The following TIAM1 variants were observed in gnomAD, a reference collection of about 807,000 sequenced individuals.
TIAM1 encodes TIAM Rac1 associated GEF 1, also known as rho guanine nucleotide exchange factor TIAM1.
A neutral mutation model predicts 163.5 loss-of-function variants in TIAM1; 65 were observed. That is an observed-to-expected ratio of 0.40 (90% CI 0.33 to 0.49). TIAM1 has a LOEUF of 0.49. TIAM1 is among the 20% of genes least tolerant of loss of function. The pLI, the probability that TIAM1 is intolerant of heterozygous loss-of-function variation, is 0.77. For synonymous variants in TIAM1, 833 were observed against 810.1 expected (o/e 1.03, Z -0.48); for missense variants, 1,789 against 2,044.7 (o/e 0.87, Z 2.41).
At chr21:31,148,975 T>TTTTTTTTTTTTTTTAA (rs2083262656) in intron 19 of TIAM1, among the ~76,000 whole-genome samples, 1 of 143,780 alleles carries the variant, frequency 7.0e-6, no homozygotes, top group African/African-American at 2.6e-5. Context: ...TTTTTTTTGG[T>TTTTTTTTTTTTTTTAA]CAAATATACA....
chr21:31,437,193 A>C (rs1025118725), intron 2 of TIAM1, among the ~76,000 whole-genome samples: 2 of 152,154 alleles, frequency 1.3e-5, no homozygotes, highest in Admixed American at 1.3e-4. Context: ...TTATTGATCT[A>C]ATTTATTTTA....
intron 25 of TIAM1, among the ~76,000 whole-genome samples, chr21:31,127,372 A>G (rs1356011470): frequency 6.6e-6 from 1 of 151,966 alleles, no homozygotes; most frequent in Non-Finnish European, 1.5e-5. Context: ...AGTTGGTAAA[A>G]TCTTCTAGAT....
At chr21:31,423,887 G>A (rs1017584435) in intron 2 of TIAM1, among the ~76,000 whole-genome samples, 1 of 148,888 alleles carries the variant, frequency 6.7e-6, no homozygotes, top group Non-Finnish European at 1.5e-5. Context: ...AGGGAGTTGG[G>A]GAGAAATAGG....
At chr21:31,145,262 G>C (rs552860412) in intron 20 of TIAM1, among the ~76,000 whole-genome samples, 2 of 152,272 alleles carry the variant, frequency 1.3e-5, no homozygotes, top group East Asian at 3.9e-4. Context: ...TCTGGGGCAG[G>C]CTCTTTGTTA....
intron 10 of TIAM1, among the ~76,000 whole-genome samples, chr21:31,210,660 AG>A (rs1679377435): frequency 5.5e-5 from 1 of 18,300 alleles, no homozygotes; most frequent in Non-Finnish European, 1.1e-4. Context: ...AAAGAAAGAA[AG>A]AAAGAAAAAG....
At chr21:31,271,790 A>T (rs1569143597) in intron 3 of TIAM1, among the ~76,000 whole-genome samples, 1 of 152,136 alleles carries the variant, frequency 6.6e-6, no homozygotes, top group Non-Finnish European at 1.5e-5. Flanking sequence ...GTGTCATCTG[A>T]AAGTGGTATG....
intron 2 of TIAM1, among the ~76,000 whole-genome samples, chr21:31,418,341 CAAAAAAAA>C (rs71193114): frequency 8.6e-5 from 3 of 34,746 alleles, no homozygotes; most frequent in Admixed American, 3.0e-4. Flanking sequence ...GACTCTGTCT[CAAAAAAAA>C]AAAAAAAAAA....
chr21:31,508,389 T>TC (rs34858855), intron 1 of TIAM1, among the ~76,000 whole-genome samples: 8,536 of 105,668 alleles, frequency 0.081, 437 homozygotes, highest in East Asian at 0.41. Context: ...TGAAATTTCT[T>TC]TTTTTTTTTT....
intron 1 of TIAM1, among the ~76,000 whole-genome samples, chr21:31,548,109 C>T (rs9976489): frequency 0.018 from 2,706 of 147,050 alleles, 39 homozygotes; most frequent in Middle Eastern, 0.047. Context: ...CATGTGATCT[C>T]GAATAGTATT....
At chr21:31,338,925 T>C (rs1333527849) in intron 2 of TIAM1, among the ~76,000 whole-genome samples, 1 of 151,948 alleles carries the variant, frequency 6.6e-6, no homozygotes, top group Non-Finnish European at 1.5e-5. Context: ...CCAAATCAAT[T>C]CCTTCTTCCC....
chr21:31,153,289 T>C (rs984664750), intron 17 of TIAM1, among the ~76,000 whole-genome samples, 155 bp from the exon 18 acceptor site: 2 of 152,182 alleles, frequency 1.3e-5, no homozygotes, highest in African/African-American at 4.8e-5. Context: ...CTTTAGGTCG[T>C]TAAGGTCCAT....
At position 31,319,228 on chromosome 21, in the gene TIAM1, T is replaced by TAA. The variant is rs11461290; in HGVS notation, c.-189+20013_-189+20014dup. 1.7e-4 allele frequency among the ~76,000 whole-genome samples: 25 copies of TAA among 148,074 alleles called. No homozygotes were observed. The South Asian group carries it at 2.1e-3, about 13-fold the overall frequency. ...ACCAGCCTTGAGAAGGGTGAACTGA[T>TAA]AAAAAAAAAAATACATGTTCCAAAG... is the stretch of plus-strand genomic sequence containing the variant. On this transcript the variant is annotated intron_variant, in intron 2 of 27. Coordinates refer to ENST00000541036, the MANE Select transcript of TIAM1 (RefSeq NM_001353694.2).
At chr21:31,216,145 G>A (rs1049991141) in intron 9 of TIAM1, among the ~76,000 whole-genome samples, 1 of 152,114 alleles carries the variant, frequency 6.6e-6, no homozygotes, top group Non-Finnish European at 1.5e-5. Flanking sequence ...ACTCCATCCT[G>A]GGTGACAGAG....
At chr21:31,479,450 T>G (rs1400398465) in intron 1 of TIAM1, among the ~76,000 whole-genome samples, 1 of 131,534 alleles carries the variant, frequency 7.6e-6, no homozygotes, top group Non-Finnish European at 1.7e-5. Flanking sequence ...GAAGGATGGA[T>G]GGATAGATGG....
intron 15 of TIAM1, among the ~76,000 whole-genome samples, chr21:31,180,367 A>C (rs536613770): frequency 2.0e-4 from 30 of 152,346 alleles, no homozygotes; most frequent in African/African-American, 6.7e-4. Flanking sequence ...GTAGACCCTA[A>C]GTCCTTGTCA....
chr21:31,349,242 G>A (rs1467826164), upstream of TIAM1, among the ~76,000 whole-genome samples: 2 of 152,226 alleles, frequency 1.3e-5, no homozygotes, highest in Non-Finnish European at 2.9e-5. Flanking sequence ...AACAGGGTCA[G>A]GACTCCTTGG....
At chr21:31,402,188 G>A (rs983650597) in intron 2 of TIAM1, among the ~76,000 whole-genome samples, 5 of 151,952 alleles carry the variant, frequency 3.3e-5, no homozygotes, top group Admixed American at 6.6e-5. Context: ...ACTGCAGCCT[G>A]GCGACAGAGT....
intron 2 of TIAM1, among the ~76,000 whole-genome samples, chr21:31,289,568 T>C (rs1477663252): frequency 6.6e-6 from 1 of 152,180 alleles, no homozygotes; most frequent in Non-Finnish European, 1.5e-5. Flanking sequence ...GCAAGATATT[T>C]TGGCTGTACA....
At chr21:31,404,694 GC>G (rs1465274593) in intron 2 of TIAM1, among the ~76,000 whole-genome samples, 5 of 152,168 alleles carry the variant, frequency 3.3e-5, no homozygotes, top group East Asian at 1.9e-4. Context: ...TCTGTGACTT[GC>G]ATTGTGCCAA....
Sources: gnomAD v4.1 joint callset for allele counts (sites outside exome capture counted in the v4.1 genomes callset) on GRCh38, gnomAD v4.1.1 for gene constraint, MANE v1.5 for transcripts, NCBI Gene and HGNC (gene_info 2026-07-23, HGNC 2026-07-21) for gene names.